Variants in DNAH17 observed in about 807,000 individuals in gnomAD.
The protein encoded by DNAH17 is axonemal beta dynein heavy chain 17.
A neutral mutation model predicts 485.6 loss-of-function variants in DNAH17; 376 were observed. The observed-to-expected ratio is 0.77, with a 90% CI of 0.71 to 0.84. DNAH17 has a LOEUF of 0.84. Among genes scored for constraint, DNAH17 ranks in the 40% least tolerant of loss-of-function variants. DNAH17 has a pLI of 0.00. For missense variants in DNAH17, 6,370 were observed against 5,839.3 expected (o/e 1.09, Z -2.96); for synonymous variants, 3,031 against 2,405.9 (o/e 1.26, Z -7.60).
chr17:78,498,107 C>T (rs1429303522), intron 37 of DNAH17, among the ~76,000 whole-genome samples: 1 of 151,690 alleles, frequency 6.6e-6, no homozygotes, highest in East Asian at 2.0e-4. Context: ...TGCCATTGCA[C>T]TCCAGCCTGG....
At chr17:78,519,434 A>G (rs1222415122) in intron 25 of DNAH17, among the ~76,000 whole-genome samples, 1 of 152,232 alleles carries the variant, frequency 6.6e-6, no homozygotes, top group Non-Finnish European at 1.5e-5. Flanking sequence ...AAAGGAAGGA[A>G]CAAAATAATA....
chr17:78,475,946 C>A (rs1232244686), intron 52 of DNAH17, 113 bp from the exon 53 acceptor site: 19 of 1,247,628 alleles, frequency 1.5e-5, no homozygotes, highest in Non-Finnish European at 2.0e-5. Flanking sequence ...ACCACGGGGT[C>A]CCAGGCCAAG....
At chr17:78,484,574 TCC>T (rs35826878) in intron 48 of DNAH17, among the ~76,000 whole-genome samples, 1 of 151,352 alleles carries the variant, frequency 6.6e-6, no homozygotes, top group Non-Finnish European at 1.5e-5. Context: ...GGAAGGAGGA[TCC>T]CCCCCTCCGC....
Position 78,507,444 on chromosome 17 carries a change from C to T in DNAH17, c.4584+14G>A, listed in dbSNP as rs80319185. ...CATTTCTGAAGTGCGTGGGAACCAC[C>T]GGGCTGTGCTCACCTTGAATTCCTG... is the stretch of plus-strand genomic sequence containing the variant. On this transcript the variant is annotated intron_variant, in intron 28 of 80. Transcript: ENST00000389840. 2,974 of 1,613,076 alleles carry T rather than the reference C, an allele frequency of 1.8e-3. 45 individuals carry two copies. The African/African-American group carries it at 0.035, about 19-fold the overall frequency.
chr17:78,535,529 C>T (rs573530486), intron 19 of DNAH17, among the ~76,000 whole-genome samples: 7 of 152,194 alleles, frequency 4.6e-5, no homozygotes, highest in Non-Finnish European at 7.3e-5. Context: ...TCCAAGCACA[C>T]GCGTACACAC....
chr17:78,543,074 T>C (rs542352206), intron 17 of DNAH17, among the ~76,000 whole-genome samples: 2 of 152,200 alleles, frequency 1.3e-5, no homozygotes, highest in East Asian at 3.9e-4. Context: ...AAGGGTGGTC[T>C]ACTACTTAAA....
In DNAH17 at chr17:78,507,303, T is replaced by G; in HGVS notation, c.4651A>C (p.Asn1551His). ...VEATSKPGLYNKLEALKKSLA... is the reference protein window; with the variant it reads ...VEATSKPGLYHKLEALKKSLA... ...CTCTTCTTCAGGGCCTCCAGTTTAT[T>G]GTAGAGGCCGGGTTTGCTGGTGGCT... is the stretch of plus-strand genomic sequence containing the variant. Residue 1551 changes from asparagine (N) to histidine (H), a missense_variant, in exon 29 of 81, where the codon AAT becomes CAT. Transcript: ENST00000389840. 1 of 1,614,004 alleles carries G rather than the reference T, an allele frequency of 6.2e-7. No homozygotes were observed. Among genetic ancestry groups the G allele is most frequent in the Non-Finnish European group, 8.5e-7 (1 of 1,179,896 alleles).
intron 25 of DNAH17, among the ~76,000 whole-genome samples, chr17:78,517,814 A>G (rs1568187049): frequency 6.6e-6 from 1 of 152,150 alleles, no homozygotes; most frequent in African/African-American, 2.4e-5. Flanking sequence ...CAACTGAAAA[A>G]CCTTGGACAT....
chr17:78,528,282 C>T (rs1250287972), intron 22 of DNAH17, among the ~76,000 whole-genome samples: 1 of 152,142 alleles, frequency 6.6e-6, no homozygotes, highest in Non-Finnish European at 1.5e-5. Context: ...TCTTTTGACA[C>T]AGGGTCTTGG....
chr17:78,503,530 C>T (rs776007818), intron 31 of DNAH17, among the ~76,000 whole-genome samples: 8 of 151,992 alleles, frequency 5.3e-5, no homozygotes, highest in East Asian at 1.9e-4. Context: ...TCTGCTGCCC[C>T]GGCTGCTGTG....
intron 65 of DNAH17, 52 bp downstream of exon 65, chr17:78,453,291 C>T (rs1027168719): frequency 1.4e-5 from 22 of 1,597,904 alleles, no homozygotes; most frequent in East Asian, 2.3e-5. Flanking sequence ...GCCCAGGCCT[C>T]GGGCCTGAAG....
At chr17:78,455,254 G>A (rs767571806) in intron 63 of DNAH17, among the ~76,000 whole-genome samples, 6 of 151,972 alleles carry the variant, frequency 3.9e-5, no homozygotes, top group South Asian at 2.1e-4. Context: ...GCCTCATCAC[G>A]GAAGTCAAGG....
chr17:78,486,093 T>C lies in DNAH17; in HGVS notation c.7142A>G (p.Asn2381Ser), dbSNP rs1452132636. ...GGGGAACTTGATAGTCTTGAATTCGTTGATCCACCATTTACTGAACTCCAC... is the reference window on the plus strand; with the variant it reads ...GGGGAACTTGATAGTCTTGAATTCGCTGATCCACCATTTACTGAACTCCAC... ...YRVEFSKWWI[N>S]EFKTIKFPSQ... Residue 2381 changes from asparagine (N) to serine (S), a missense_variant, in exon 46 of 81, where the codon AAC becomes AGC. Coordinates refer to ENST00000389840, the MANE Select transcript of DNAH17 (RefSeq NM_173628.4). The C allele has an allele frequency of 1.9e-6, 3 of 1,613,956 alleles. No individual in the cohort carries two copies. Among genetic ancestry groups the C allele is most frequent in the Admixed American group, 1.7e-5 (1 of 60,016 alleles).
chr17:78,494,254 C>G, intron 40 of DNAH17, 81 bp from the exon 41 acceptor site: 1 of 1,540,384 alleles, frequency 6.5e-7, no homozygotes, highest in Non-Finnish European at 8.7e-7. Context: ...GGGCTTCCTG[C>G]CCCGTGGGGG....
intron 78 of DNAH17, 74 bp from the exon 79 acceptor site, chr17:78,426,674 T>C: frequency 1.3e-6 from 2 of 1,525,226 alleles, no homozygotes; most frequent in Non-Finnish European, 1.8e-6. Context: ...GTGCGTGTCA[T>C]GAGTTGTCAA....
At position 78,524,642 on chromosome 17, in the gene DNAH17, A is replaced by G. The variant is rs77546685; in HGVS notation, c.3864+367T>C. 3.7e-3 allele frequency among the ~76,000 whole-genome samples: 559 copies of G among 152,208 alleles called. 4 individuals are homozygous for G. Among genetic ancestry groups the G allele is most frequent in the African/African-American group, 0.013 (532 of 41,516 alleles). On this transcript the variant is annotated intron_variant, in intron 25 of 80. Coordinates refer to ENST00000389840, the MANE Select transcript of DNAH17 (RefSeq NM_173628.4). ...ATGTTGTTTATGAGCCACTGAGTTTATGGGATTTTGTTAGAGCACCTTGAA... is the reference window on the plus strand; with the variant it reads ...ATGTTGTTTATGAGCCACTGAGTTTGTGGGATTTTGTTAGAGCACCTTGAA...
intron 27 of DNAH17, among the ~76,000 whole-genome samples, chr17:78,509,419 G>C (rs2090573059): frequency 6.6e-6 from 1 of 152,140 alleles, no homozygotes; most frequent in Non-Finnish European, 1.5e-5. Flanking sequence ...ACCCTCTGCT[G>C]TTGAATATGT....
At position 78,575,048 on chromosome 17, in the gene DNAH17, C is replaced by A. The variant is rs752880304; in HGVS notation, c.10G>T (p.Ala4Ser). The A allele has an allele frequency of 6.2e-7, 1 of 1,612,098 alleles. No homozygotes were observed. Among genetic ancestry groups the A allele is most frequent in the East Asian group, 2.2e-5 (1 of 44,848 alleles). Residue 4 changes from alanine (A) to serine (S), a missense_variant, in exon 2 of 81, where the codon GCC (alanine) becomes TCC (serine). Ala to Ser is a moderately conservative substitution (Grantham distance 99). Transcript: ENST00000389840. ...AGATACTCTAGTCTGACGTCCGGGG[C>A]CATTGTCATCTTGGCCTTTCCTTAC... Reference protein sequence around the residue: MTMAPDVRLEYLEE... With the variant: MTMSPDVRLEYLEE...
chr17:78,464,038 C>G (rs548491157), intron 56 of DNAH17, among the ~76,000 whole-genome samples: 1 of 152,092 alleles, frequency 6.6e-6, no homozygotes, highest in Non-Finnish European at 1.5e-5. Context: ...GCTCTTTTTC[C>G]CATCTTTAAA....
Sources: gnomAD v4.1 joint callset for allele counts (sites outside exome capture counted in the v4.1 genomes callset) on GRCh38, gnomAD v4.1.1 for gene constraint, MANE v1.5 for transcripts, NCBI Gene and HGNC (gene_info 2026-07-23, HGNC 2026-07-21) for gene names.